HNRNPUL2: variants seen among roughly 807,000 people sequenced by gnomAD.
The protein encoded by HNRNPUL2 is heterogeneous nuclear ribonucleoprotein U-like protein 2.
Under a neutral mutation model 102.2 loss-of-function variants are expected in HNRNPUL2, and 27 were observed. That is an observed-to-expected ratio of 0.26 (90% CI 0.19 to 0.36). HNRNPUL2 has a LOEUF of 0.36. Ranked by LOEUF, HNRNPUL2 falls within the 10% of genes least tolerant of loss-of-function variation. The pLI is 1.00. For synonymous variants in HNRNPUL2, 458 were observed against 387.2 expected, an observed-to-expected ratio of 1.18 and a Z score of -2.15; for missense variants, 936 against 981.1, an observed-to-expected ratio of 0.95 and a Z score of 0.61.
intron 1 of HNRNPUL2, among the ~76,000 whole-genome samples, chr11:62,725,284 G>A (rs943346266): frequency 2.0e-5 from 3 of 152,102 alleles, no homozygotes; most frequent in African/African-American, 7.2e-5. Context: ...CGCAACCTCC[G>A]CCTCCCGGGT....
intron 5 of HNRNPUL2, 27 bp downstream of exon 5, chr11:62,722,786 A>T: frequency 3.1e-6 from 5 of 1,611,022 alleles, no homozygotes; most frequent in Non-Finnish European, 4.2e-6. Flanking sequence ...GTAAACACTA[A>T]TGAGGAACTT....
In HNRNPUL2 at chr11:62,724,306, T is replaced by C; in HGVS notation, c.659A>G (p.Glu220Gly). The change falls in exon 2 of 14, where the codon GAG (glutamate) becomes GGG (glycine). Residue 220 changes from glutamate to glycine, a missense_variant. Around this residue, in one of 2 missense-constraint regions of HNRNPUL2, gnomAD observed 609 missense variants for 713.0 expected, o/e 0.85. Coordinates refer to ENST00000301785, the MANE Select transcript of HNRNPUL2 (RefSeq NM_001079559.3). ...TTTCCCTCACCGGCTGTGGTAAGCC[T>C]CCTCTCGGAATTCATAGTAAGCTCG... is the stretch of plus-strand genomic sequence containing the variant. ...HGRAYYEFREEAYHSRSKSPL... is the reference protein window; with the variant it reads ...HGRAYYEFREGAYHSRSKSPL... The C allele has an allele frequency of 6.2e-7, 1 of 1,614,186 alleles. No homozygotes were observed. Among genetic ancestry groups the C allele is most frequent in the Non-Finnish European group, 8.5e-7 (1 of 1,180,036 alleles).
In HNRNPUL2 at chr11:62,726,081, T is replaced by G. The variant is rs183243516; in HGVS notation, c.538+538A>C. Reference sequence around the variant, plus strand: ...ACTATTAAACTCGACACTGTTACACTAGAGGCTCTCCCTTACAGCTCAAAG... The same window carrying G: ...ACTATTAAACTCGACACTGTTACACGAGAGGCTCTCCCTTACAGCTCAAAG... On this transcript the variant is annotated intron_variant, in intron 1 of 13. Coordinates refer to ENST00000301785, the MANE Select transcript of HNRNPUL2 (RefSeq NM_001079559.3). 4.7e-4 allele frequency among the ~76,000 whole-genome samples: 72 copies of G among 152,352 alleles called. No homozygotes were observed. The East Asian group carries it at 0.011, about 23-fold the overall frequency.
rs1208549477 is a variant in HNRNPUL2 at position 62,714,320 on chromosome 11, T to C, written c.*979A>G. On this transcript the variant is annotated 3_prime_UTR_variant, in exon 14 of 14. Coordinates refer to ENST00000301785, the MANE Select transcript of HNRNPUL2 (RefSeq NM_001079559.3). ...TATCCCGCTGCAGTGAAAAGAATCC[T>C]GCTGTGTTTTCGTGTGAGCTGAAAC... 1 of 152,194 alleles carries C rather than the reference T, an allele frequency of 6.6e-6. No homozygotes were observed. Among genetic ancestry groups the C allele is most frequent in the Non-Finnish European group, 1.5e-5 (1 of 68,052 alleles). The allele number at this position is 152,194 out of a possible 1,614,324, so 9.4% of individuals were successfully genotyped here.
At position 62,726,599 on chromosome 11, in the gene HNRNPUL2, C is replaced by T. The variant is rs765309039; in HGVS notation, c.538+20G>A. The T allele has an allele frequency of 6.6e-7, 1 of 1,524,664 alleles. No homozygotes were observed. The highest frequency in any genetic ancestry group is 8.8e-7 in the Non-Finnish European group (1 of 1,140,078). The allele number at this position is 1,524,664 out of a possible 1,614,324, so 94.4% of individuals were successfully genotyped here. A position where few individuals can be genotyped will look rare whatever the true frequency, so the allele number is the denominator to read the frequency against. On this transcript the variant is annotated intron_variant, in intron 1 of 13. Coordinates refer to ENST00000301785, the MANE Select transcript of HNRNPUL2 (RefSeq NM_001079559.3). ...GCGCAGCCGGCAGGTTGGAGCCGGG[C>T]TCGGCTGCCAGCTCCTCACCCTGTT...
In HNRNPUL2 at chr11:62,723,615, G is replaced by A. The variant is rs1227183594; in HGVS notation, c.863C>T (p.Thr288Ile). Residue 288 changes from threonine (T) to isoleucine (I), a missense_variant, in exon 4 of 14, where the codon ACA (threonine) becomes ATA (isoleucine). Coordinates refer to ENST00000301785, the MANE Select transcript of HNRNPUL2 (RefSeq NM_001079559.3). ...WSGARSTYGV[T>I]KGKVCFEAKV... is the part of the protein sequence containing the mutation. ...TGCCTCAAAGCAGACTTTTCCCTTT[G>A]TCACTCCGTAAGTACTCCTTGCCCC... 6.2e-7 allele frequency: 1 copy of A among 1,612,338 alleles called. No homozygotes were observed. Among genetic ancestry groups the A allele is most frequent in the Admixed American group, 1.7e-5 (1 of 59,868 alleles).
At position 62,717,151 on chromosome 11, in the gene HNRNPUL2, C is replaced by G. The variant is rs1029725859; in HGVS notation, c.1819G>C (p.Glu607Gln). Reference sequence around the variant, plus strand: ...TTCTCCAGCTCCCCATATGTCACCTCATCCATATAGTCGCATTTTTCAGGC... The same window carrying G: ...TTCTCCAGCTCCCCATATGTCACCTGATCCATATAGTCGCATTTTTCAGGC... ...SLPEKCDYMD[E>Q]VTYGELEKEE... Residue 607 changes from glutamate to glutamine, a missense_variant, in exon 11 of 14, where the codon GAG becomes CAG. By Grantham distance (29) the Glu-to-Gln change is conservative. Around this residue, in one of 2 missense-constraint regions of HNRNPUL2, gnomAD observed 609 missense variants for 713.0 expected, o/e 0.85. Coordinates refer to ENST00000301785, the MANE Select transcript of HNRNPUL2 (RefSeq NM_001079559.3). The G allele has an allele frequency of 5.0e-6, 8 of 1,614,124 alleles. No individual in the cohort carries two copies. Among genetic ancestry groups the G allele is most frequent in the Non-Finnish European group, 5.9e-6 (7 of 1,180,038 alleles).
In HNRNPUL2 at chr11:62,721,283, T is replaced by A. The variant is rs1468172840; in HGVS notation, c.1611+12A>T. 6.3e-7 allele frequency: 1 copy of A among 1,596,846 alleles called. No individual in the cohort carries two copies. The highest frequency in any genetic ancestry group is 8.5e-7 in the Non-Finnish European group (1 of 1,175,188). ...CCCACCTTGACTCTAGGCAATTTTA[T>A]CAGATTAATACCTGATCAAGAATAA... is the stretch of plus-strand genomic sequence containing the variant. On this transcript the variant is annotated intron_variant, in intron 9 of 13. Transcript: ENST00000301785.
intron 4 of HNRNPUL2, 47 bp from the exon 5 acceptor site, chr11:62,722,950 T>C (rs764361352): frequency 1.4e-6 from 2 of 1,441,588 alleles, no homozygotes; most frequent in Non-Finnish European, 1.9e-6. Flanking sequence ...ACCAACTGAG[T>C]AGCAAACTCT....
Position 62,714,775 on chromosome 11 carries a change from C to T in HNRNPUL2, c.*524G>A, listed in dbSNP as rs1454584500. 1 of 153,682 alleles carries T rather than the reference C, an allele frequency of 6.5e-6. No homozygotes were observed. Among genetic ancestry groups the T allele is most frequent in the Non-Finnish European group, 1.4e-5 (1 of 69,154 alleles). 9.5% of individuals were successfully genotyped at this position (153,682 alleles called of 1,614,324 possible). Reference sequence around the variant, plus strand: ...AGTTGGTGCAAGTGATTGATAAGAGCCAATCGTTTATTTTCACTGTCCCAG... The same window carrying T: ...AGTTGGTGCAAGTGATTGATAAGAGTCAATCGTTTATTTTCACTGTCCCAG... On this transcript the variant is annotated 3_prime_UTR_variant, in exon 14 of 14. Coordinates refer to ENST00000301785, the MANE Select transcript of HNRNPUL2 (RefSeq NM_001079559.3).
rs931584384 is a variant in HNRNPUL2, at chr11:62,727,297, C to G, written c.-141G>C. 3.6e-5 allele frequency: 39 copies of G among 1,098,420 alleles called. No individual in the cohort carries two copies. Among genetic ancestry groups the G allele is most frequent in the Non-Finnish European group, 4.0e-5 (35 of 872,648 alleles). The allele number at this position is 1,098,420 out of a possible 1,614,324, so 68.0% of individuals were successfully genotyped here. ...GCCCGCGCGAGCGAGCGCACGCACG[C>G]AGGAGCGGAGGCCGCGCACGGTCCC... On this transcript the variant is annotated 5_prime_UTR_variant, in exon 1 of 14. Transcript: ENST00000301785.
Position 62,726,973 on chromosome 11 carries a change from G to A in HNRNPUL2, c.184C>T (p.Arg62Trp), listed in dbSNP as rs569478882. The A allele has an allele frequency of 1.2e-4, 171 of 1,412,882 alleles. 2 individuals carry two copies. In the South Asian group the frequency reaches 2.3e-3, roughly 19 times the overall value. The allele number at this position is 1,412,882 out of a possible 1,614,324, so 87.5% of individuals were successfully genotyped here. A position where few individuals can be genotyped will look rare whatever the true frequency, so the allele number is the denominator to read the frequency against. ...CCGCCGCCCGACGCGGCCACAGGCC[G>A]AGGCTCCGCCTTGCAGGCCCCGCCG... ...GPGGACKAEP[R>W]PVAASGGGPG... The change falls in exon 1 of 14, where the codon CGG becomes TGG. Residue 62 changes from arginine (R) to tryptophan (W), a missense_variant. Around this residue, in one of 2 missense-constraint regions of HNRNPUL2, gnomAD observed 327 missense variants for 268.1 expected, o/e 1.22. Coordinates refer to ENST00000301785, the MANE Select transcript of HNRNPUL2 (RefSeq NM_001079559.3).
chr11:62,716,338 C>T (rs915816211), intron 11 of HNRNPUL2, among the ~76,000 whole-genome samples: 1 of 152,180 alleles, frequency 6.6e-6, no homozygotes, highest in African/African-American at 2.4e-5. Context: ...TCTCTGTAAT[C>T]AGCTCCTCAA....
chr11:62,724,823 T>C (rs2083731728), intron 1 of HNRNPUL2, among the ~76,000 whole-genome samples: 1 of 152,224 alleles, frequency 6.6e-6, no homozygotes, highest in Admixed American at 6.5e-5. Flanking sequence ...GGTAGGCAGT[T>C]AGTACATATT....
At chr11:62,719,048 G>C (rs2083681412) in intron 10 of HNRNPUL2, among the ~76,000 whole-genome samples, 1 of 151,986 alleles carries the variant, frequency 6.6e-6, no homozygotes, top group South Asian at 2.1e-4. Flanking sequence ...GGCTGGTTGT[G>C]AGCTCCTGAC....
chr11:62,727,351 T>C lies in HNRNPUL2; in HGVS notation c.-195A>G. On this transcript the variant is annotated 5_prime_UTR_variant, in exon 1 of 14. Transcript: ENST00000301785. ...GCGCAGTGTTTGCTTCTCCTTCGTC[T>C]CCCCTCCCCCTTTCGGCTCACGGAG... 1.6e-6 allele frequency: 1 copy of C among 616,364 alleles called. No homozygotes were observed. The highest frequency in any genetic ancestry group is 2.3e-6 in the Non-Finnish European group (1 of 438,928). 38.2% of individuals were successfully genotyped at this position (616,364 alleles called of 1,614,324 possible).
intron 12 of HNRNPUL2, 39 bp downstream of exon 12, chr11:62,715,823 TCA>T (rs1457584677): frequency 6.3e-7 from 1 of 1,579,094 alleles, no homozygotes; most frequent in East Asian, 2.2e-5. Flanking sequence ...AGAATGGCTC[TCA>T]CAGCCCAGAG....
intron 10 of HNRNPUL2, among the ~76,000 whole-genome samples, chr11:62,719,574 G>A (rs1161424519): frequency 1.3e-5 from 2 of 152,226 alleles, no homozygotes; most frequent in Non-Finnish European, 2.9e-5. Flanking sequence ...TTTAGATGTA[G>A]AGTGTCACTC....
At chr11:62,726,173 G>C (rs2083744364) in intron 1 of HNRNPUL2, among the ~76,000 whole-genome samples, 1 of 152,178 alleles carries the variant, frequency 6.6e-6, no homozygotes, top group Admixed American at 6.5e-5. Context: ...TAATGGAACG[G>C]ACTTTGACGG....
Sources: allele counts gnomAD v4.1 joint callset (sites outside exome capture counted in the v4.1 genomes callset), GRCh38; gene constraint gnomAD v4.1.1; regional missense constraint gnomAD v4.1.1; transcripts MANE v1.5; gene names NCBI Gene and HGNC (gene_info 2026-07-23, HGNC 2026-07-21).